Variants in PLCZ1 observed in about 807,000 individuals in gnomAD.
The protein encoded by PLCZ1 is phospholipase C zeta 1.
Under a neutral mutation model 76.8 loss-of-function variants are expected in PLCZ1, and 64 were observed. That is an observed-to-expected ratio of 0.83 (90% CI 0.68 to 1.03). The LOEUF (loss-of-function observed/expected upper bound fraction) is 1.03. Among genes scored for constraint, PLCZ1 ranks in the 50% least tolerant of loss-of-function variants. The probability of loss-of-function intolerance (pLI) is 0.00; values close to 1 mark genes in which losing one functional copy is unlikely to be tolerated. For synonymous variants in PLCZ1, 248 were observed against 230.8 expected, an observed-to-expected ratio of 1.07 and a Z score of -0.68; for missense variants, 751 against 713.7, an observed-to-expected ratio of 1.05 and a Z score of -0.60.
chr12:18,671,138 G>A, the PLCZ1 span, among the ~76,000 whole-genome samples: 4 of 147,000 alleles, frequency 2.7e-5, no homozygotes, highest in African/African-American at 7.6e-5. Context: ...GCAGTGAGCC[G>A]AAATCAGGCC....
chr12:18,657,106 A>C, the PLCZ1 span, among the ~76,000 whole-genome samples: 1 of 152,108 alleles, frequency 6.6e-6, no homozygotes, highest in Non-Finnish European at 1.5e-5. Context: ...ATTTTAACGA[A>C]CTCAAATCTC....
At chr12:18,662,585 T>G in the PLCZ1 span, among the ~76,000 whole-genome samples, 2 of 152,144 alleles carry the variant, frequency 1.3e-5, no homozygotes, top group African/African-American at 4.8e-5. Context: ...TATTGTAACT[T>G]TGGTCTGCAG....
the PLCZ1 span, among the ~76,000 whole-genome samples, chr12:18,665,747 C>A: frequency 5.7e-4 from 87 of 152,058 alleles, no homozygotes; most frequent in African/African-American, 2.0e-3. Flanking sequence ...CCATCCTGGA[C>A]CACATGGTGA....
chr12:18,656,332 C>T, the PLCZ1 span, among the ~76,000 whole-genome samples: 1 of 152,170 alleles, frequency 6.6e-6, no homozygotes, highest in South Asian at 2.1e-4. Context: ...AATCCCAGCA[C>T]TTTAGGAGGC....
At position 18,709,422 on chromosome 12, in the gene PLCZ1, T is replaced by G. The variant is rs552885388; in HGVS notation, c.714+3420A>C. Reference sequence around the variant, plus strand: ...CCATGCTGTATTGATTACTATAGCTTTGTAACATAATTTTAAATCAGAAAG... The same window carrying G: ...CCATGCTGTATTGATTACTATAGCTGTGTAACATAATTTTAAATCAGAAAG... On this transcript the variant is annotated intron_variant, in intron 6 of 14. Transcript: ENST00000266505. 2.6e-4 allele frequency among the ~76,000 whole-genome samples: 40 copies of G among 152,310 alleles called. 1 individual carries two copies. Among genetic ancestry groups the G allele is most frequent in the African/African-American group, 9.4e-4 (39 of 41,590 alleles).
chr12:18,684,048 T>C, intron 14 of PLCZ1, 82 bp downstream of exon 14: 1 of 1,472,478 alleles, frequency 6.8e-7, no homozygotes, highest in Non-Finnish European at 9.4e-7. Flanking sequence ...GATAGAGCTA[T>C]TTGGTATGTC....
At chr12:18,680,010 A>G (rs775454741), downstream of PLCZ1, among the ~76,000 whole-genome samples, 4 of 151,986 alleles carry the variant, frequency 2.6e-5, no homozygotes, top group Non-Finnish European at 2.9e-5. Flanking sequence ...GAATGCTCAA[A>G]TTTTATGGCC....
chr12:18,736,639 A>AT (rs1959310552), intron 2 of PLCZ1: 12 of 1,295,880 alleles, frequency 9.3e-6, no homozygotes, highest in Non-Finnish European at 1.2e-5. Context: ...ATAACAATCT[A>AT]TTGCCTGAAG....
chr12:18,669,026 GTAA>G, the PLCZ1 span, among the ~76,000 whole-genome samples: 1 of 152,060 alleles, frequency 6.6e-6, no homozygotes, highest in East Asian at 1.9e-4. Context: ...GCAGAAAATA[GTAA>G]TAATAATAAT....
At chr12:18,736,715 C>T (rs996708697) in intron 2 of PLCZ1, 1 of 1,283,398 alleles carries the variant, frequency 7.8e-7, no homozygotes, top group Admixed American at 2.3e-5. Flanking sequence ...TTTTAGTTCT[C>T]TCTTCCAGAA....
chr12:18,715,123 C>A (rs1321671940), intron 5 of PLCZ1, among the ~76,000 whole-genome samples: 1 of 130,952 alleles, frequency 7.6e-6, no homozygotes, highest in African/African-American at 2.9e-5. Context: ...AACACTAAGT[C>A]AATGTACTGA....
At chr12:18,683,405 C>G in intron 14 of PLCZ1, 81 bp from the exon 15 acceptor site, 1 of 1,490,102 alleles carries the variant, frequency 6.7e-7, no homozygotes, top group Non-Finnish European at 9.3e-7. Flanking sequence ...GAAACAAGAG[C>G]TCTTTACTAA....
the PLCZ1 span, among the ~76,000 whole-genome samples, chr12:18,650,331 C>CTCTATATATATATA: frequency 7.6e-5 from 7 of 91,972 alleles, no homozygotes; most frequent in Admixed American, 7.3e-4. Context: ...CTCTCTCTCT[C>CTCTATATATATATA]TATATATATA....
intron 12 of PLCZ1, among the ~76,000 whole-genome samples, chr12:18,688,870 G>T (rs536102796): frequency 6.6e-6 from 1 of 152,014 alleles, no homozygotes; most frequent in Non-Finnish European, 1.5e-5. Flanking sequence ...GCCTAAAAAC[G>T]CAGTTATAAA....
downstream of PLCZ1, among the ~76,000 whole-genome samples, chr12:18,681,118 A>G (rs1369238745): frequency 2.0e-5 from 3 of 151,914 alleles, no homozygotes; most frequent in African/African-American, 4.8e-5. Flanking sequence ...GCTCTGTGAA[A>G]CTGTTTATTG....
At chr12:18,665,921 A>C in the PLCZ1 span, among the ~76,000 whole-genome samples, 100,681 of 148,390 alleles carry the variant, frequency 0.68, 34,477 homozygotes, top group South Asian at 0.73. Flanking sequence ...GGTGACAGAG[A>C]TAGACTCCAT....
chr12:18,650,556 A>G, the PLCZ1 span, among the ~76,000 whole-genome samples: 1 of 149,952 alleles, frequency 6.7e-6, no homozygotes, highest in Non-Finnish European at 1.5e-5. Flanking sequence ...TAAACACATG[A>G]AAGTCTATAC....
chr12:18,650,345 ATATGTGTGTGTGTGTG>A, the PLCZ1 span, among the ~76,000 whole-genome samples: 1 of 127,704 alleles, frequency 7.8e-6, no homozygotes, highest in African/African-American at 3.6e-5. Context: ...ATATATATAT[ATATGTGTGTGTGTGTG>A]TGTGTGTGTG....
At chr12:18,646,864 A>T in the PLCZ1 span, among the ~76,000 whole-genome samples, 1 of 152,054 alleles carries the variant, frequency 6.6e-6, no homozygotes, top group African/African-American at 2.4e-5. Flanking sequence ...TGGACCTGTA[A>T]CTTACTTCCT....
Sources: gnomAD v4.1 joint callset for allele counts (sites outside exome capture counted in the v4.1 genomes callset) on GRCh38, gnomAD v4.1.1 for gene constraint, MANE v1.5 for transcripts, NCBI Gene and HGNC (gene_info 2026-07-23, HGNC 2026-07-21) for gene names.